Variants in USP42 observed in about 807,000 individuals in gnomAD.
USP42 encodes the protein ubiquitin specific peptidase 42, also known as ubiquitin carboxyl-terminal hydrolase 42.
USP42 carries 23 observed loss-of-function variants against 113.0 expected under a neutral mutation model. The ratio of observed to expected loss-of-function variants is 0.20; its 90% CI spans 0.15 to 0.29. The LOEUF (loss-of-function observed/expected upper bound fraction) is 0.29, where lower values mean the gene tolerates loss of function less well. Ranked by LOEUF, USP42 falls within the 10% of genes least tolerant of loss-of-function variation. The probability of loss-of-function intolerance (pLI) is 1.00; values close to 1 mark genes in which losing one functional copy is unlikely to be tolerated. For missense variants in USP42, 2,174 were observed against 1,779.8 expected (o/e 1.22, Z -3.99); for synonymous variants, 933 against 699.0 (o/e 1.33, Z -5.28).
At position 6,149,838 on chromosome 7, in the gene USP42, A is replaced by C. The variant is rs764876089; in HGVS notation, c.1642A>C (p.Asn548His). Residue 548 changes from asparagine (N) to histidine (H), a missense_variant, in exon 13 of 18, where the codon AAC becomes CAC. Transcript: ENST00000306177. The part of the protein sequence containing the change: ...QPNLHSNSLE[N>H]PTKPVPSSTI... ...TAACCTTCATAGTAATTCTTTGGAG[A>C]ACCCTACCAAGCCCGTTCCCTCTTC... The C allele has an allele frequency of 1.1e-4, 174 of 1,613,908 alleles. No individual in the cohort carries two copies. Among genetic ancestry groups the C allele is most frequent in the Non-Finnish European group, 1.3e-4 (152 of 1,179,904 alleles).
At chr7:6,120,497 C>T (rs934530757) in intron 3 of USP42, among the ~76,000 whole-genome samples, 1 of 152,162 alleles carries the variant, frequency 6.6e-6, no homozygotes, top group African/African-American at 2.4e-5. Context: ...CCCGACTCGG[C>T]CTCCCAAAGT....
At chr7:6,085,703 C>A in the USP42 span, among the ~76,000 whole-genome samples, 1 of 150,068 alleles carries the variant, frequency 6.7e-6, no homozygotes, top group African/African-American at 2.5e-5. Context: ...GAGCCTCTGC[C>A]TCTTGAGTTC....
chr7:6,143,098 G>A, intron 8 of USP42, 84 bp downstream of exon 8: 1 of 1,422,802 alleles, frequency 7.0e-7, no homozygotes, highest in Non-Finnish European at 9.8e-7. Flanking sequence ...AGTTTGGTGT[G>A]TCTAGGTTGC....
At chr7:6,097,386 CT>C in the USP42 span, among the ~76,000 whole-genome samples, 214 of 108,428 alleles carry the variant, frequency 2.0e-3, 1 homozygote, top group East Asian at 9.3e-3. Flanking sequence ...CCTGTGGGTC[CT>C]TTTTTTTTTT....
chr7:6,114,656 GTA>G (rs71008362), intron 2 of USP42, among the ~76,000 whole-genome samples: 2,038 of 60,516 alleles, frequency 0.034, 175 homozygotes, highest in South Asian at 0.064. Flanking sequence ...ATGTGTGTGT[GTA>G]TATATATATA....
At position 6,155,006 on chromosome 7, in the gene USP42, T is replaced by G; in HGVS notation, c.3452T>G (p.Phe1151Cys). Reference protein sequence around the residue: ...AGDNCNLSDRFHEHENGKSRK... With the variant: ...AGDNCNLSDRCHEHENGKSRK... ...GACAACTGTAACCTCTCTGATCGGT[T>G]TCACGAACACGAAAATGGAAAGTCC... Residue 1151 changes from phenylalanine (F) to cysteine (C), a missense_variant, in exon 15 of 18, where the codon TTT becomes TGT. Physicochemically the swap from Phe to Cys is radical, Grantham distance 205. Transcript: ENST00000306177. 1 of 1,565,120 alleles carries G rather than the reference T, an allele frequency of 6.4e-7. No homozygotes were observed. The highest frequency in any genetic ancestry group is 8.7e-7 in the Non-Finnish European group (1 of 1,154,614).
At position 6,152,160 on chromosome 7, in the gene USP42, C is replaced by T. The variant is rs561260616; in HGVS notation, c.2202-1596C>T. Among the ~76,000 whole-genome samples the T allele has an allele frequency of 3.9e-5, 6 of 152,326 alleles. No homozygotes were observed. The East Asian group carries it at 9.7e-4, about 25-fold the overall frequency. On this transcript the variant is annotated intron_variant, in intron 14 of 17. Coordinates refer to ENST00000306177, the MANE Select transcript of USP42 (RefSeq NM_032172.3). Reference sequence around the variant, plus strand: ...AAGCAGCAGCAGGACGGCCCCGTGGCGAGAGGCTGTGCAGGCGGTGCTTGC... The same window carrying T: ...AAGCAGCAGCAGGACGGCCCCGTGGTGAGAGGCTGTGCAGGCGGTGCTTGC...
At chr7:6,113,616 T>C (rs1189387390) in intron 2 of USP42, among the ~76,000 whole-genome samples, 4 of 151,982 alleles carry the variant, frequency 2.6e-5, no homozygotes, top group Admixed American at 1.3e-4. Flanking sequence ...TGGTTTTTTT[T>C]GTTTTTGTTT....
At chr7:6,129,157 C>T (rs1780703164) in intron 3 of USP42, among the ~76,000 whole-genome samples, 1 of 152,200 alleles carries the variant, frequency 6.6e-6, no homozygotes, top group Admixed American at 6.5e-5. Flanking sequence ...ACACACATAA[C>T]TTTTACCACG....
At chr7:6,107,244 C>CA (rs904612156) in intron 1 of USP42, among the ~76,000 whole-genome samples, 1 of 151,924 alleles carries the variant, frequency 6.6e-6, no homozygotes, top group African/African-American at 2.4e-5. Context: ...GTAATTGGAG[C>CA]AAATAAAATG....
In USP42 at chr7:6,154,984, A is replaced by G. The variant is rs200598130; in HGVS notation, c.3430A>G (p.Asn1144Asp). 7 of 1,563,432 alleles carry G rather than the reference A, an allele frequency of 4.5e-6. No homozygotes were observed. The Admixed American group carries it at 7.7e-5, about 17-fold the overall frequency. Residue 1144 changes from asparagine (N) to aspartate (D), a missense_variant, in exon 15 of 18, where the codon AAC (asparagine) becomes GAC (aspartate). Transcript: ENST00000306177. The stretch of plus-strand genomic sequence containing the variant: ...CAGAACTGCACTTGTAGCCGGAGAC[A>G]ACTGTAACCTCTCTGATCGGTTTCA... Reference protein sequence around the residue: ...HDRTALVAGDNCNLSDRFHEH... With the variant: ...HDRTALVAGDDCNLSDRFHEH...
At chr7:6,117,469 T>A (rs1368909944) in intron 3 of USP42, among the ~76,000 whole-genome samples, 1 of 152,244 alleles carries the variant, frequency 6.6e-6, no homozygotes, top group Non-Finnish European at 1.5e-5. Flanking sequence ...GGGTCATTTT[T>A]CACTTTGTGC....
chr7:6,155,185 C>T lies in USP42; in HGVS notation c.3631C>T (p.Arg1211Cys), dbSNP rs200534302. 19 of 1,531,728 alleles carry T rather than the reference C, an allele frequency of 1.2e-5. No homozygotes were observed. Among genetic ancestry groups the T allele is most frequent in the Non-Finnish European group, 1.5e-5 (17 of 1,144,434 alleles). 94.9% of individuals were successfully genotyped at this position (1,531,728 alleles called of 1,614,324 possible). ...KKKSKDKHRD[R>C]DSRHQQDSDL... ...GAAATCCAAAGACAAACACCGAGAC[C>T]GCGACTCCAGGTGAGCCTGGGGCCT... The change falls in exon 15 of 18, where the codon CGC becomes TGC. Residue 1211 changes from arginine to cysteine, a missense_variant. Transcript: ENST00000306177.
Position 6,154,044 on chromosome 7 carries a change from G to A in USP42, c.2490G>A (p.Pro830=), listed in dbSNP as rs764670476. The A allele has an allele frequency of 2.1e-5, 33 of 1,605,436 alleles. No individual in the cohort carries two copies. Among genetic ancestry groups the A allele is most frequent in the Admixed American group, 8.3e-5 (5 of 59,986 alleles). The change falls in exon 15 of 18, where the codon CCG becomes CCA. Residue 830 remains proline, a synonymous_variant. Coordinates refer to ENST00000306177, the MANE Select transcript of USP42 (RefSeq NM_032172.3). ...DPGSLTGDAS[P]LSQDAKGMIA... ...GGAGCTTAACAGGCGATGCGAGCCC[G>A]TTGTCCCAGGACGCAAAGGGGATGA...
intron 4 of USP42, among the ~76,000 whole-genome samples, chr7:6,137,185 A>G (rs532522017): frequency 4.6e-5 from 7 of 152,360 alleles, no homozygotes; most frequent in African/African-American, 1.7e-4. Flanking sequence ...ATTATACAGT[A>G]ACAAACTGTA....
intron 15 of USP42, among the ~76,000 whole-genome samples, chr7:6,155,555 C>G (rs949271385): frequency 6.6e-6 from 1 of 151,554 alleles, no homozygotes; most frequent in Non-Finnish European, 1.5e-5. Flanking sequence ...TGTTAATATT[C>G]TTACTTGTCA....
the USP42 span, among the ~76,000 whole-genome samples, chr7:6,096,765 C>T: frequency 6.6e-6 from 1 of 151,072 alleles, no homozygotes; most frequent in Non-Finnish European, 1.5e-5. Flanking sequence ...CTGTCTTGCC[C>T]TGTGTTTTAT....
At chr7:6,142,067 T>G (rs1234587568) in intron 7 of USP42, among the ~76,000 whole-genome samples, 1 of 152,168 alleles carries the variant, frequency 6.6e-6, no homozygotes, top group African/African-American at 2.4e-5. Context: ...GATATTTGGT[T>G]TGCTTCCAGT....
chr7:6,153,733 G>A, intron 14 of USP42, 23 bp from the exon 15 acceptor site: 1 of 1,431,776 alleles, frequency 7.0e-7, no homozygotes, highest in Non-Finnish European at 9.2e-7. Context: ...TAACGGGCGT[G>A]TTTGTTTGTT....
Sources: allele counts gnomAD v4.1 joint callset (sites outside exome capture counted in the v4.1 genomes callset), GRCh38; gene constraint gnomAD v4.1.1; transcripts MANE v1.5; gene names NCBI Gene and HGNC (gene_info 2026-07-23, HGNC 2026-07-21).